Variants in VGLL4 observed in about 807,000 individuals in gnomAD.
The protein encoded by VGLL4 is vestigial like family member 4.
VGLL4 carries 7 observed loss-of-function variants against 21.0 expected under a neutral mutation model. The observed-to-expected ratio is 0.33, with a 90% CI of 0.19 to 0.63. The LOEUF is 0.63. VGLL4 is among the 20% of genes least tolerant of loss of function. VGLL4 has a pLI of 0.78. For missense variants in VGLL4, 394 were observed against 425.7 expected, an observed-to-expected ratio of 0.93 and a Z score of 0.66; for synonymous variants, 222 against 173.2, an observed-to-expected ratio of 1.28 and a Z score of -2.21.
At chr3:11,603,521 C>T (rs981900364) in intron 1 of VGLL4, among the ~76,000 whole-genome samples, 3 of 152,152 alleles carry the variant, frequency 2.0e-5, no homozygotes, top group South Asian at 2.1e-4. Flanking sequence ...TAATTATCTC[C>T]GTTATTTGTG....
intron 1 of VGLL4, among the ~76,000 whole-genome samples, chr3:11,716,794 GT>G (rs573016411): frequency 6.6e-6 from 1 of 150,418 alleles, no homozygotes. Context: ...ATGATACTGG[GT>G]TTTTTTTTGC....
rs1334538013 is a variant in VGLL4 at position 11,568,506 on chromosome 3, G to A, written c.273-3487C>T. ...CTGGAAAGACAGTCCGTGGAACACA[G>A]CACAGTGGGCACTATGGGTCAGACA... On this transcript the variant is annotated intron_variant, in intron 2 of 4. Coordinates refer to ENST00000430365, the MANE Select transcript of VGLL4 (RefSeq NM_001128219.3). The surrounding 1 kb of genome is among the most constrained non-coding windows in gnomAD (Gnocchi z 5.9). 3 of 1,478,248 alleles carry A rather than the reference G, an allele frequency of 2.0e-6. No individual in the cohort carries two copies. Among genetic ancestry groups the A allele is most frequent in the Non-Finnish European group, 2.8e-6 (3 of 1,081,746 alleles). 91.6% of individuals were successfully genotyped at this position (1,478,248 alleles called of 1,614,324 possible). A position where few individuals can be genotyped will look rare whatever the true frequency, so the allele number is the denominator to read the frequency against.
chr3:11,688,887 G>A (rs1342008572), intron 2 of VGLL4, among the ~76,000 whole-genome samples: 1 of 151,956 alleles, frequency 6.6e-6, no homozygotes, highest in Non-Finnish European at 1.5e-5. Context: ...GCATGATGGT[G>A]GGTGCCTGTA....
intron 1 of VGLL4, chr3:11,610,490 C>T (rs2075039883): frequency 6.6e-6 from 1 of 152,224 alleles, no homozygotes; most frequent in South Asian, 2.1e-4. Flanking sequence ...CAACACAAAG[C>T]ACCTCTCATA....
chr3:11,654,355 G>A (rs181264114), intron 2 of VGLL4, among the ~76,000 whole-genome samples: 22 of 152,182 alleles, frequency 1.4e-4, no homozygotes, highest in Admixed American at 8.5e-4. Context: ...CTCAGTTCTC[G>A]CGACAATGCG....
intron 2 of VGLL4, among the ~76,000 whole-genome samples, chr3:11,693,448 C>T (rs566085656): frequency 6.6e-6 from 1 of 152,328 alleles, no homozygotes; most frequent in African/African-American, 2.4e-5. Flanking sequence ...CCTCAACAGG[C>T]AAGGATCTGC....
rs116096788 is a variant in VGLL4, at chr3:11,557,670, G to A, written c.*886C>T. On this transcript the variant is annotated 3_prime_UTR_variant, in exon 5 of 5. Transcript: ENST00000430365. ...ATAAACTAATTCTGAAAAGAAGATA[G>A]TAAGTATTAAGGTTTTTGTTTACTG... 2.0e-3 allele frequency: 305 copies of A among 152,882 alleles called. No individual in the cohort carries two copies. Among genetic ancestry groups the A allele is most frequent in the African/African-American group, 7.1e-3 (296 of 41,572 alleles). The allele number at this position is 152,882 out of a possible 1,614,324, so 9.5% of individuals were successfully genotyped here. A position where few individuals can be genotyped will look rare whatever the true frequency, so the allele number is the denominator to read the frequency against.
At chr3:11,665,276 G>A (rs2076103590) in intron 2 of VGLL4, among the ~76,000 whole-genome samples, 1 of 151,658 alleles carries the variant, frequency 6.6e-6, no homozygotes, top group South Asian at 2.1e-4. Flanking sequence ...ACCACGCCTG[G>A]CTAATTTTTT....
At chr3:11,613,076 G>A (rs1013985200) in intron 1 of VGLL4, among the ~76,000 whole-genome samples, 1 of 151,674 alleles carries the variant, frequency 6.6e-6, no homozygotes, top group Non-Finnish European at 1.5e-5. Context: ...AAAAAAAAAA[G>A]AGGCTTGTTC....
rs1346395678 is a variant in VGLL4, at chr3:11,573,306, AG to A, written c.273-8288del. On this transcript the variant is annotated intron_variant, in intron 2 of 4. Transcript: ENST00000430365. ...AAGAAAGAAAGAAAGAAAGAAAGAAAGGAAGGAAGGAAGAAAGAAAGAAAGA... is the reference window on the plus strand; with the variant it reads ...AAGAAAGAAAGAAAGAAAGAAAGAAAGAAGGAAGGAAGAAAGAAAGAAAGA... 2.2e-3 allele frequency among the ~76,000 whole-genome samples: 31 copies of A among 14,046 alleles called. 3 individuals are homozygous for A. Among genetic ancestry groups the A allele is most frequent in the Middle Eastern group, 0.028 (1 of 36 alleles). The allele number at this position is 14,046 out of a possible 152,430, so 9.2% of individuals were successfully genotyped here.
chr3:11,680,171 G>C (rs979337586), intron 2 of VGLL4, among the ~76,000 whole-genome samples: 1 of 152,210 alleles, frequency 6.6e-6, no homozygotes, highest in African/African-American at 2.4e-5. Flanking sequence ...ACACAGCCTA[G>C]GTGTGCAGTG....
chr3:11,558,475 A>AT lies in VGLL4; in HGVS notation c.*80dup, dbSNP rs369629845. ...CCCTTCCCCCCACCCCACCCCCATG[A>AT]TTTTTTTTTTTTTAAGTACTGACTG... On this transcript the variant is annotated 3_prime_UTR_variant, in exon 5 of 5. Coordinates refer to ENST00000430365, the MANE Select transcript of VGLL4 (RefSeq NM_001128219.3). 54,398 of 754,848 alleles carry AT rather than the reference A, an allele frequency of 0.072. 90 individuals are homozygous for AT. The highest frequency in any genetic ancestry group is 0.083 in the Non-Finnish European group (44,130 of 533,814). The allele number at this position is 754,848 out of a possible 1,614,324, so 46.8% of individuals were successfully genotyped here.
Position 11,663,447 on chromosome 3 carries a change from G to A in VGLL4, c.64+39524C>T, listed in dbSNP as rs563586615. Among the ~76,000 whole-genome samples the A allele has an allele frequency of 9.2e-5, 14 of 152,324 alleles. No individual in the cohort carries two copies. In the South Asian group the frequency reaches 1.0e-3, roughly 11 times the overall value. On this transcript the variant is annotated intron_variant, in intron 2 of 5. Coordinates refer to the VGLL4 transcript ENST00000273038. ...ACTGTAAGAATCCTAGGCAAGGCGC[G>A]GTGGCTCACGCCTGCGATACCAGCA...
At chr3:11,632,628 T>C (rs1030377113) in intron 1 of VGLL4, among the ~76,000 whole-genome samples, 3 of 152,244 alleles carry the variant, frequency 2.0e-5, no homozygotes, top group Non-Finnish European at 4.4e-5. Flanking sequence ...CAAATTCATA[T>C]TCTGAAGTTT....
At chr3:11,573,295 GAAAGAAAGA>G (rs1559869819) in intron 2 of VGLL4, among the ~76,000 whole-genome samples, 209 of 12,498 alleles carry the variant, frequency 0.017, 22 homozygotes, top group African/African-American at 0.023. Context: ...AAGAAAGAAA[GAAAGAAAGA>G]AAGGAAGGAA....
intron 1 of VGLL4, 73 bp from the exon 2 acceptor site, chr3:11,602,095 C>A: frequency 1.5e-6 from 2 of 1,373,238 alleles, no homozygotes; most frequent in South Asian, 3.4e-5. Context: ...GCTCCCCGCC[C>A]GCCCAGCCAG....
intron 2 of VGLL4, among the ~76,000 whole-genome samples, chr3:11,566,369 A>G (rs960511298): frequency 6.6e-6 from 1 of 152,216 alleles, no homozygotes; most frequent in East Asian, 1.9e-4. Flanking sequence ...CTACAGTACA[A>G]TATCACAACC....
intron 1 of VGLL4, among the ~76,000 whole-genome samples, chr3:11,617,055 A>G (rs966755471): frequency 3.3e-5 from 5 of 152,148 alleles, no homozygotes; most frequent in African/African-American, 4.8e-5. Context: ...TTAATTTGAA[A>G]TAAAAAATAA....
At chr3:11,573,353 AAGAAAGAAAGAAAGAAAG>A (rs1559870547) in intron 2 of VGLL4, among the ~76,000 whole-genome samples, 1 of 100,978 alleles carries the variant, frequency 9.9e-6, no homozygotes, top group African/African-American at 3.1e-5. Flanking sequence ...GAAAGAAAGA[AAGAAAGAAAGAAAGAAAG>A]AAAGAAAGAA....
Sources: allele counts gnomAD v4.1 joint callset (sites outside exome capture counted in the v4.1 genomes callset), GRCh38; gene constraint gnomAD v4.1.1; non-coding constraint Gnocchi (gnomAD v3.1); transcripts MANE v1.5; gene names NCBI Gene and HGNC (gene_info 2026-07-23, HGNC 2026-07-21).